Variants in SNW1 observed in about 807,000 individuals in gnomAD.
SNW1 encodes SNW domain-containing protein 1.
A neutral mutation model predicts 75.6 loss-of-function variants in SNW1; 9 were observed. The ratio of observed to expected loss-of-function variants is 0.12; its 90% CI spans 0.07 to 0.21. The LOEUF is 0.21. Ranked by LOEUF, SNW1 falls within the 10% of genes least tolerant of loss-of-function variation. The pLI is 1.00. For synonymous variants in SNW1, 200 were observed against 219.1 expected, an observed-to-expected ratio of 0.91 and a Z score of 0.77; for missense variants, 409 against 670.9, an observed-to-expected ratio of 0.61 and a Z score of 4.31.
chr14:77,727,455 C>A (rs1331579267), intron 10 of SNW1, among the ~76,000 whole-genome samples: 1 of 152,180 alleles, frequency 6.6e-6, no homozygotes, highest in Non-Finnish European at 1.5e-5. Flanking sequence ...AGTGGGCATC[C>A]TTGCCTTCTT....
Position 77,718,403 on chromosome 14 carries a change from T to C in SNW1, c.1376A>G (p.Tyr459Cys), listed in dbSNP as rs557868847. 5 of 1,614,182 alleles carry C rather than the reference T, an allele frequency of 3.1e-6. No individual in the cohort carries two copies. Among genetic ancestry groups the C allele is most frequent in the Non-Finnish European group, 4.2e-6 (5 of 1,180,004 alleles). The change falls in exon 13 of 14, where the codon TAT (tyrosine) becomes TGT (cysteine). Residue 459 changes from tyrosine (Y) to cysteine (C), a missense_variant. Tyr to Cys is a radical substitution (Grantham distance 194, BLOSUM62 -2). Around this residue, in one of 9 missense-constraint regions of SNW1, gnomAD observed 126 missense variants for 167.6 expected, o/e 0.75. Coordinates refer to ENST00000261531, the MANE Select transcript of SNW1 (RefSeq NM_012245.3). The part of the protein sequence containing the change: ...RPSKNLDKDM[Y>C]GDDLEARIKT... ...TATTCTGGCTTCTAGGTCATCACCA[T>C]ACATGTCCTTGTCCAGATTTTTACT...
Position 77,732,501 on chromosome 14 carries a change from T to A in SNW1, c.875A>T (p.Tyr292Phe). The A allele has an allele frequency of 1.9e-6, 3 of 1,587,334 alleles. No individual in the cohort carries two copies. In the African/African-American group the frequency reaches 4.0e-5, roughly 21 times the overall value. ...ENFAKLAEALYIADRKAREAV... is the reference protein window; with the variant it reads ...ENFAKLAEALFIADRKAREAV... ...CAAACCAACCTTCCGATCAGCAATG[T>A]AGAGGGCTTCTGCCAATTTGGCGAA... The change falls in exon 9 of 14, where the codon TAC becomes TTC. Residue 292 changes from tyrosine (Y) to phenylalanine (F), a missense_variant. Transcript: ENST00000261531.
At chr14:77,731,514 C>G (rs2139903439) in intron 9 of SNW1, among the ~76,000 whole-genome samples, 1 of 152,310 alleles carries the variant, frequency 6.6e-6, no homozygotes, top group South Asian at 2.1e-4. Flanking sequence ...TTGGGACCAG[C>G]CTAGGCAACA....
chr14:77,728,107 T>C (rs1294462842), intron 10 of SNW1, among the ~76,000 whole-genome samples: 5 of 149,468 alleles, frequency 3.3e-5, no homozygotes, highest in Admixed American at 3.3e-4. Context: ...CGGGTGTTCA[T>C]CATATAATTC....
At chr14:77,761,065 C>T (rs1381457255) in intron 1 of SNW1, 49 bp downstream of exon 1, 1 of 1,614,140 alleles carries the variant, frequency 6.2e-7, no homozygotes, top group African/African-American at 1.3e-5. Context: ...ATGAAGAAGA[C>T]TGGTACTCCC....
chr14:77,757,052 T>A (rs1241115720), intron 1 of SNW1, among the ~76,000 whole-genome samples: 2 of 152,194 alleles, frequency 1.3e-5, no homozygotes, highest in South Asian at 4.1e-4. Context: ...AGGATCCTGA[T>A]GGATGAATAT....
At chr14:77,721,850 T>A (rs1282634794) in intron 11 of SNW1, among the ~76,000 whole-genome samples, 1 of 152,148 alleles carries the variant, frequency 6.6e-6, no homozygotes, top group Non-Finnish European at 1.5e-5. Context: ...AGGGTTCAAG[T>A]GATTCTCCCA....
chr14:77,758,683 A>T (rs977278308), intron 1 of SNW1, among the ~76,000 whole-genome samples: 2 of 152,242 alleles, frequency 1.3e-5, no homozygotes, highest in Admixed American at 1.3e-4. Context: ...GTCCCACTAG[A>T]ATTCCAATTC....
intron 10 of SNW1, 102 bp from the exon 11 acceptor site, chr14:77,723,379 T>A (rs1444790215): frequency 3.6e-6 from 3 of 826,596 alleles, no homozygotes; most frequent in Non-Finnish European, 6.0e-6. Flanking sequence ...AGACAGCATC[T>A]CACTCTGTCA....
At chr14:77,718,594 A>G (rs1454469793) in intron 12 of SNW1, 64 bp from the exon 13 acceptor site, 2 of 1,110,948 alleles carry the variant, frequency 1.8e-6, no homozygotes, top group African/African-American at 3.1e-5. Flanking sequence ...CTGAATCATA[A>G]CATGTTTACA....
At chr14:77,755,212 C>T (rs988486878) in intron 1 of SNW1, 92 bp from the exon 2 acceptor site, 30 of 1,139,138 alleles carry the variant, frequency 2.6e-5, no homozygotes, top group Middle Eastern at 2.8e-4. Context: ...ATTTTTCCTA[C>T]GATGCTTTTA....
chr14:77,717,672 A>G lies in SNW1; in HGVS notation c.*416T>C, dbSNP rs2080499223. 1 of 1,075,234 alleles carries G rather than the reference A, an allele frequency of 9.3e-7. No individual in the cohort carries two copies. The allele number at this position is 1,075,234 out of a possible 1,614,324, so 66.6% of individuals were successfully genotyped here. On this transcript the variant is annotated 3_prime_UTR_variant, in exon 14 of 14. Transcript: ENST00000261531. ...GGTTACTTTGCCCACTCCAAATTAAAACAGAGCACAATAGGGGCAAAATTT... is the reference window on the plus strand; with the variant it reads ...GGTTACTTTGCCCACTCCAAATTAAGACAGAGCACAATAGGGGCAAAATTT...
intron 2 of SNW1, among the ~76,000 whole-genome samples, chr14:77,753,228 T>C (rs1489253276): frequency 6.6e-6 from 1 of 152,178 alleles, no homozygotes; most frequent in Non-Finnish European, 1.5e-5. Flanking sequence ...GATAGCCAAG[T>C]AAGAATCTAA....
chr14:77,726,352 T>G (rs1275990054), intron 10 of SNW1, among the ~76,000 whole-genome samples: 1 of 152,154 alleles, frequency 6.6e-6, no homozygotes, highest in Non-Finnish European at 1.5e-5. Context: ...AGAGATAGGG[T>G]CTTACTGTGT....
chr14:77,758,574 C>G (rs2080861162), intron 1 of SNW1, among the ~76,000 whole-genome samples: 1 of 152,164 alleles, frequency 6.6e-6, no homozygotes, highest in Admixed American at 6.6e-5. Flanking sequence ...GAGTCACTCT[C>G]TAACCCGGTC....
At chr14:77,733,614 G>A (rs914283765) in intron 8 of SNW1, among the ~76,000 whole-genome samples, 4 of 151,710 alleles carry the variant, frequency 2.6e-5, no homozygotes, top group Admixed American at 6.6e-5. Flanking sequence ...GCATGGTGGG[G>A]CACACTTGTG....
chr14:77,753,364 T>C (rs758877389), intron 2 of SNW1, among the ~76,000 whole-genome samples: 1 of 152,186 alleles, frequency 6.6e-6, no homozygotes, highest in Non-Finnish European at 1.5e-5. Flanking sequence ...TTATAATGCC[T>C]CAACAGAGAC....
intron 1 of SNW1, among the ~76,000 whole-genome samples, chr14:77,758,199 G>C (rs1366624613): frequency 6.6e-6 from 1 of 151,056 alleles, no homozygotes; most frequent in Non-Finnish European, 1.5e-5. Flanking sequence ...GCGTGGTGGC[G>C]GACGCCTGTA....
rs1450805281 is a variant in SNW1 at position 77,761,097 on chromosome 14, C to T, written c.14+17G>A. On this transcript the variant is annotated intron_variant, in intron 1 of 13. Transcript: ENST00000261531. ...TCCCAGACCCTTCCGTATCGAGGACCCCAATCAACAACCCACCTGGTGAGC... is the reference window on the plus strand; with the variant it reads ...TCCCAGACCCTTCCGTATCGAGGACTCCAATCAACAACCCACCTGGTGAGC... 1.2e-6 allele frequency: 2 copies of T among 1,614,240 alleles called. No individual in the cohort carries two copies. Among genetic ancestry groups the T allele is most frequent in the Non-Finnish European group, 1.7e-6 (2 of 1,180,036 alleles).
Sources: gnomAD v4.1 joint callset for allele counts (sites outside exome capture counted in the v4.1 genomes callset) on GRCh38, gnomAD v4.1.1 for gene constraint, gnomAD v4.1.1 regional missense constraint, MANE v1.5 for transcripts, NCBI Gene and HGNC (gene_info 2026-07-23, HGNC 2026-07-21) for gene names.